The following MYRFL variants were observed in gnomAD, a reference collection of about 807,000 sequenced individuals.
MYRFL encodes myelin regulatory factor-like protein.
In MYRFL, 88 loss-of-function variants were observed where a neutral mutation model predicts 109.4. That is an observed-to-expected ratio of 0.80 (90% confidence interval 0.68 to 0.96). The LOEUF (loss-of-function observed/expected upper bound fraction) is 0.96, where lower values mean the gene tolerates loss of function less well. Ranked by LOEUF, MYRFL falls within the 40% of genes least tolerant of loss-of-function variation. The pLI, the probability that MYRFL is intolerant of heterozygous loss-of-function variation, is 0.00. For missense variants in MYRFL, 957 were observed against 954.9 expected (o/e 1.00, Z -0.03); for synonymous variants, 324 against 320.9 (o/e 1.01, Z -0.10).
intron 7 of MYRFL, among the ~76,000 whole-genome samples, chr12:69,891,595 TTCTTTCTTTC>T (rs1235245716): frequency 7.4e-6 from 1 of 134,402 alleles, no homozygotes; most frequent in African/African-American, 3.0e-5. Flanking sequence ...CTTTCTTTCT[TTCTTTCTTTC>T]TCTTTCTTTC....
Position 69,861,805 on chromosome 12 carries a change from A to C in MYRFL, c.137+6435A>C, listed in dbSNP as rs543006607. 5.9e-3 allele frequency among the ~76,000 whole-genome samples: 890 copies of C among 150,310 alleles called. 5 individuals are homozygous for C. Among genetic ancestry groups the C allele is most frequent in the Non-Finnish European group, 9.1e-3 (612 of 67,112 alleles). On this transcript the variant is annotated intron_variant, in intron 2 of 24. Transcript: ENST00000552032. Reference sequence around the variant, plus strand: ...TTGTTGCCATTGCTTTTGGTGTTTTAGACATGAAGTCCTTGCCCATGCCTA... The same window carrying C: ...TTGTTGCCATTGCTTTTGGTGTTTTCGACATGAAGTCCTTGCCCATGCCTA...
intron 5 of MYRFL, 89 bp downstream of exon 5, chr12:69,880,381 C>A: frequency 1.6e-6 from 1 of 624,034 alleles, no homozygotes; most frequent in Admixed American, 2.6e-5. Flanking sequence ...AGCAGCCCTG[C>A]AAAAGTTTCC....
intron 13 of MYRFL, among the ~76,000 whole-genome samples, chr12:69,920,129 A>G (rs891518914): frequency 3.7e-4 from 56 of 152,234 alleles, no homozygotes; most frequent in African/African-American, 1.3e-3. Flanking sequence ...AGGGAACTCA[A>G]GGGCTTTCAT....
intron 11 of MYRFL, among the ~76,000 whole-genome samples, chr12:69,908,267 T>C (rs1005173695): frequency 2.0e-4 from 30 of 152,192 alleles, no homozygotes; most frequent in African/African-American, 5.3e-4. Flanking sequence ...GGGGTGTATG[T>C]GATATAGGAG....
At chr12:69,930,592 G>A (rs1040793175) in intron 15 of MYRFL, among the ~76,000 whole-genome samples, 2 of 152,040 alleles carry the variant, frequency 1.3e-5, no homozygotes, top group African/African-American at 4.8e-5. Context: ...GCCAGAGTGG[G>A]TGGATCACTT....
rs145262368 is a variant in MYRFL at position 69,915,319 on chromosome 12, G to C, written c.1602+4389G>C. ...AATAAGTGGAGGAGGTCATATGAAG[G>C]TACAGCCTCTCCATTCTTCACTCCA... On this transcript the variant is annotated intron_variant, in intron 13 of 24. Transcript: ENST00000552032. Among the ~76,000 whole-genome samples, 218 of 152,204 alleles carry C rather than the reference G, an allele frequency of 1.4e-3. 1 individual carries two copies. Among genetic ancestry groups the C allele is most frequent in the African/African-American group, 5.1e-3 (211 of 41,520 alleles).
intron 2 of MYRFL, among the ~76,000 whole-genome samples, chr12:69,859,722 AC>A (rs1486574670): frequency 2.6e-5 from 4 of 152,192 alleles, no homozygotes; most frequent in Non-Finnish European, 5.9e-5. Context: ...ACAATGAGAT[AC>A]CATCTCACAC....
chr12:69,853,475 CG>C, intron 1 of MYRFL, among the ~76,000 whole-genome samples: 1 of 150,504 alleles, frequency 6.6e-6, no homozygotes, highest in South Asian at 2.1e-4. Flanking sequence ...AGTTCCCAGA[CG>C]GAGTCGCGGC....
chr12:69,833,828 C>CTTTTTT (rs11300053), intron 1 of MYRFL, among the ~76,000 whole-genome samples: 17 of 113,872 alleles, frequency 1.5e-4, no homozygotes, highest in Non-Finnish European at 2.6e-4. Context: ...ATAGGGCTTG[C>CTTTTTT]TTTTTTTTTT....
intron 2 of MYRFL, among the ~76,000 whole-genome samples, chr12:69,868,104 T>C (rs59174697): frequency 0.091 from 13,457 of 147,634 alleles, 1,038 homozygotes; most frequent in East Asian, 0.4. Flanking sequence ...GTTTCTTTTT[T>C]TTTTCTTTTT....
chr12:69,880,498 TC>T (rs772681856), intron 5 of MYRFL, among the ~76,000 whole-genome samples: 42 of 152,176 alleles, frequency 2.8e-4, no homozygotes, highest in Non-Finnish European at 4.7e-4. Flanking sequence ...AGATGATGTT[TC>T]CCGTCTCAGG....
intron 1 of MYRFL, among the ~76,000 whole-genome samples, chr12:69,845,791 CG>C (rs1318123823): frequency 1.3e-4 from 8 of 62,780 alleles, no homozygotes; most frequent in African/African-American, 5.8e-4. Flanking sequence ...TTGGGAAAAG[CG>C]AAAAAAAAAA....
intron 1 of MYRFL, among the ~76,000 whole-genome samples, chr12:69,842,542 A>G (rs1215456889): frequency 1.3e-5 from 2 of 152,218 alleles, no homozygotes; most frequent in African/African-American, 2.4e-5. Context: ...TGCACAACAC[A>G]TAATTGCTAT....
chr12:69,912,433 A>G (rs1389883173), intron 13 of MYRFL, among the ~76,000 whole-genome samples: 2 of 152,130 alleles, frequency 1.3e-5, no homozygotes, highest in African/African-American at 2.4e-5. Flanking sequence ...TCATATTGTA[A>G]AACAAAAACT....
intron 13 of MYRFL, among the ~76,000 whole-genome samples, chr12:69,911,414 GT>G (rs1316088101): frequency 3.3e-5 from 5 of 152,112 alleles, no homozygotes; most frequent in Admixed American, 6.6e-5. Flanking sequence ...TTTGAGCATA[GT>G]TTTTTTGATG....
chr12:69,828,561 C>CTT (rs919026001), intron 1 of MYRFL, among the ~76,000 whole-genome samples: 40 of 152,048 alleles, frequency 2.6e-4, no homozygotes, highest in Non-Finnish European at 4.4e-4. Flanking sequence ...TAACTTGAAA[C>CTT]TTTAACGTTT....
chr12:69,893,641 T>G (rs1040724418), intron 7 of MYRFL, 123 bp from the exon 8 acceptor site: 9 of 375,456 alleles, frequency 2.4e-5, no homozygotes, highest in Admixed American at 4.7e-5. Flanking sequence ...TTTCAGTGAC[T>G]TGTTCCTCCT....
intron 7 of MYRFL, among the ~76,000 whole-genome samples, chr12:69,891,604 TCTCTTTCTTTCTTTCTTTCCTCCTTC>T (rs1566001976): frequency 8.6e-4 from 34 of 39,436 alleles, no homozygotes; most frequent in African/African-American, 3.2e-3. Context: ...TTTCTTTCTT[TCTCTTTCTTTCTTTCTTTCCTCCTTC>T]CTTTCTTTTT....
At chr12:69,914,919 C>G (rs1282077157) in intron 13 of MYRFL, among the ~76,000 whole-genome samples, 1 of 152,194 alleles carries the variant, frequency 6.6e-6, no homozygotes, top group Non-Finnish European at 1.5e-5. Context: ...CACTCACTTA[C>G]AGAATCTGTA....
Sources: allele counts gnomAD v4.1 joint callset (sites outside exome capture counted in the v4.1 genomes callset), GRCh38; gene constraint gnomAD v4.1.1; transcripts MANE v1.5; gene names NCBI Gene and HGNC (gene_info 2026-07-23, HGNC 2026-07-21).